PACRGL: variants seen among roughly 807,000 people sequenced by gnomAD.
PACRGL encodes the protein PACRG-like protein.
Under a neutral mutation model 34.5 loss-of-function variants are expected in PACRGL, and 38 were observed. The ratio of observed to expected loss-of-function variants is 1.10; its 90% CI spans 0.85 to 1.44. The LOEUF is 1.44. Among genes scored for constraint, PACRGL ranks in the 40% most tolerant of loss-of-function variants. The pLI, the probability that PACRGL is intolerant of heterozygous loss-of-function variation, is 0.00. For synonymous variants in PACRGL, 128 were observed against 100.1 expected (o/e 1.28, Z -1.66); for missense variants, 305 against 281.4 (o/e 1.08, Z -0.60).
chr4:20,704,407 G>C (rs1578114337), intron 1 of PACRGL, 59 bp from the exon 2 acceptor site: 19 of 1,502,274 alleles, frequency 1.3e-5, no homozygotes, highest in Non-Finnish European at 1.7e-5. Context: ...TCTTTTTATT[G>C]ATAACAAATG....
In PACRGL at chr4:20,717,479, A is replaced by T. The variant is rs1036973375; in HGVS notation, c.609+3940A>T. On this transcript the variant is annotated intron_variant, in intron 7 of 8. Transcript: ENST00000503585. Reference sequence around the variant, plus strand: ...TTTATGGTTTTAGGTCTAACATTTAAGTCTTTAATCCATCTTGAATTAATT... The same window carrying T: ...TTTATGGTTTTAGGTCTAACATTTATGTCTTTAATCCATCTTGAATTAATT... Among the ~76,000 whole-genome samples the T allele has an allele frequency of 1.0e-3, 155 of 152,312 alleles. 1 individual carries two copies. Among genetic ancestry groups the T allele is most frequent in the Middle Eastern group, 3.4e-3 (1 of 294 alleles).
chr4:20,744,997 G>A (rs902649331), intron 8 of PACRGL, among the ~76,000 whole-genome samples: 8 of 152,086 alleles, frequency 5.3e-5, no homozygotes, highest in African/African-American at 1.9e-4. Flanking sequence ...GTTGCCATTT[G>A]ACTAAACCTA....
At chr4:20,739,882 C>T (rs988820377) in intron 8 of PACRGL, among the ~76,000 whole-genome samples, 1 of 152,122 alleles carries the variant, frequency 6.6e-6, no homozygotes, top group African/African-American at 2.4e-5. Flanking sequence ...GAATAAACAG[C>T]GTAGAGAAGA....
Position 20,729,262 on chromosome 4 carries a change from A to G in PACRGL, c.*1921A>G, listed in dbSNP as rs1747101124. 1 of 152,494 alleles carries G rather than the reference A, an allele frequency of 6.6e-6. No homozygotes were observed. The highest frequency in any genetic ancestry group is 2.1e-4 in the South Asian group (1 of 4,828). 9.4% of individuals were successfully genotyped at this position (152,494 alleles called of 1,614,324 possible). On this transcript the variant is annotated 3_prime_UTR_variant, in exon 9 of 9. Transcript: ENST00000503585. ...GGATAGATATCCTGACCCTTTGCATATGTCTGTAAACATCCTTGTTTTGTT... is the reference window on the plus strand; with the variant it reads ...GGATAGATATCCTGACCCTTTGCATGTGTCTGTAAACATCCTTGTTTTGTT...
In PACRGL at chr4:20,730,941, C is replaced by A. The variant is rs1747976685; in HGVS notation, c.*3600C>A. Among the ~76,000 whole-genome samples the A allele has an allele frequency of 1.3e-5, 2 of 152,280 alleles. No individual in the cohort carries two copies. The highest frequency in any genetic ancestry group is 6.5e-5 in the Admixed American group (1 of 15,276). On this transcript the variant is annotated 3_prime_UTR_variant, in exon 9 of 9. Coordinates refer to ENST00000503585, the MANE Select transcript of PACRGL (RefSeq NM_001258345.3). ...GCAGCTTAATGTCACCAAATTAATT[C>A]TCTCAAAGACCACTGCATGGAAATC...
At chr4:20,737,632 A>G (rs1749961658) in intron 8 of PACRGL, among the ~76,000 whole-genome samples, 1 of 152,140 alleles carries the variant, frequency 6.6e-6, no homozygotes, top group South Asian at 2.1e-4. Flanking sequence ...TTTGAGAGTG[A>G]GGAGCCTGGT....
rs1225821643 is a variant in PACRGL, at chr4:20,727,698, TATAG to T, written c.*362_*365del. On this transcript the variant is annotated 3_prime_UTR_variant, in exon 9 of 9. Transcript: ENST00000503585. ...CAGTTTGTAGCTGTGCCCTTATTTT[TATAG>T]ATAGTTTGCCATTTCTTGGGTTTAA... 1.7e-5 allele frequency: 3 copies of T among 175,058 alleles called. No individual in the cohort carries two copies. Among genetic ancestry groups the T allele is most frequent in the Non-Finnish European group, 3.6e-5 (3 of 82,728 alleles). 10.8% of individuals were successfully genotyped at this position (175,058 alleles called of 1,614,324 possible). A position where few individuals can be genotyped will look rare whatever the true frequency, so the allele number is the denominator to read the frequency against.
In PACRGL at chr4:20,731,542, C is replaced by G. The variant is rs1405983410; in HGVS notation, c.*4201C>G. 6.1e-6 allele frequency: 6 copies of G among 985,238 alleles called. No individual in the cohort carries two copies. Among genetic ancestry groups the G allele is most frequent in the East Asian group, 2.3e-4 (2 of 8,824 alleles). The allele number at this position is 985,238 out of a possible 1,614,324, so 61.0% of individuals were successfully genotyped here. On this transcript the variant is annotated 3_prime_UTR_variant, in exon 9 of 9. Coordinates refer to ENST00000503585, the MANE Select transcript of PACRGL (RefSeq NM_001258345.3). ...CCATTAGTGAGTTCAGTCAAAGAGC[C>G]ATTTCTTGTCCACATACACTAAAAC...
intron 6 of PACRGL, 177 bp from the exon 7 acceptor site, chr4:20,713,255 T>C: frequency 1.7e-6 from 1 of 584,366 alleles, no homozygotes. Context: ...TGCTTCTAGA[T>C]GTCCTGTGTT....
upstream of PACRGL, among the ~76,000 whole-genome samples, chr4:20,697,058 G>A (rs1731273025): frequency 6.6e-6 from 1 of 152,064 alleles, no homozygotes; most frequent in African/African-American, 2.4e-5. Flanking sequence ...TTTTCTATTG[G>A]ACAATGCTAC....
chr4:20,699,536 A>G (rs1731487268), upstream of PACRGL, among the ~76,000 whole-genome samples: 1 of 152,212 alleles, frequency 6.6e-6, no homozygotes. Context: ...GGAAACTCAC[A>G]ATCTAATGAA....
chr4:20,745,541 A>G (rs1409921191), intron 8 of PACRGL, among the ~76,000 whole-genome samples: 2 of 152,202 alleles, frequency 1.3e-5, no homozygotes, highest in Admixed American at 1.3e-4. Context: ...ACAACTCTCA[A>G]TGAGTACTTT....
At chr4:20,704,975 G>A (rs1291842724) in intron 3 of PACRGL, among the ~76,000 whole-genome samples, 161 bp downstream of exon 3, 4 of 152,198 alleles carry the variant, frequency 2.6e-5, no homozygotes, top group African/African-American at 9.6e-5. Context: ...GAGATAATCA[G>A]TCACATGTGG....
chr4:20,696,507 A>T (rs938627984), upstream of PACRGL: 1 of 152,214 alleles, frequency 6.6e-6, no homozygotes, highest in Non-Finnish European at 1.5e-5. Flanking sequence ...TTCCAAGGAG[A>T]GAAAGGGTAA....
chr4:20,719,937 G>A (rs1350864073), intron 7 of PACRGL, among the ~76,000 whole-genome samples: 2 of 152,042 alleles, frequency 1.3e-5, no homozygotes, highest in Non-Finnish European at 2.9e-5. Flanking sequence ...GGGTGTTAAA[G>A]TCTCCCATTA....
intron 8 of PACRGL, among the ~76,000 whole-genome samples, chr4:20,742,235 C>T (rs1461286943): frequency 5.3e-5 from 8 of 152,164 alleles, no homozygotes; most frequent in Non-Finnish European, 1.0e-4. Flanking sequence ...CCAGCATCAT[C>T]CTGATACCAA....
At chr4:20,726,757 T>A (rs1433861599) in intron 8 of PACRGL, among the ~76,000 whole-genome samples, 1 of 152,212 alleles carries the variant, frequency 6.6e-6, no homozygotes, top group Non-Finnish European at 1.5e-5. Context: ...TTAGAACTGA[T>A]CTGCCTTAAA....
chr4:20,756,552 C>G (rs1447547785), downstream of PACRGL, among the ~76,000 whole-genome samples: 1 of 152,126 alleles, frequency 6.6e-6, no homozygotes, highest in East Asian at 1.9e-4. Context: ...CTTCACTCTT[C>G]CAGCAAAGCT....
intron 7 of PACRGL, chr4:20,716,202 T>C: frequency 1.0e-6 from 1 of 974,922 alleles, no homozygotes; most frequent in Admixed American, 2.0e-5. Context: ...TACTGGCTGT[T>C]ATGGTTTCTT....
Sources: allele counts gnomAD v4.1 joint callset (sites outside exome capture counted in the v4.1 genomes callset), GRCh38; gene constraint gnomAD v4.1.1; transcripts MANE v1.5; gene names NCBI Gene and HGNC (gene_info 2026-07-23, HGNC 2026-07-21).